SH3GL3: variants seen among roughly 807,000 people sequenced by gnomAD.
SH3GL3 encodes endophilin-A3.
SH3GL3 carries 33 observed loss-of-function variants against 47.7 expected under a neutral mutation model. That is an observed-to-expected ratio of 0.69 (90% CI 0.52 to 0.92). SH3GL3 has a LOEUF of 0.92. SH3GL3 is among the 40% of genes least tolerant of loss of function. SH3GL3 has a pLI of 0.00. For synonymous variants in SH3GL3, 155 were observed against 148.8 expected (o/e 1.04, Z -0.30); for missense variants, 363 against 417.8 (o/e 0.87, Z 1.14).
At chr15:83,573,144 G>A (rs575726870) in intron 5 of SH3GL3, among the ~76,000 whole-genome samples, 19 of 152,234 alleles carry the variant, frequency 1.2e-4, no homozygotes, top group African/African-American at 2.9e-4. Flanking sequence ...TAAAAATGGC[G>A]TGCATGGGAA....
At chr15:83,601,823 T>G (rs576036255) in intron 8 of SH3GL3, among the ~76,000 whole-genome samples, 1 of 150,676 alleles carries the variant, frequency 6.6e-6, no homozygotes, top group Non-Finnish European at 1.5e-5. Context: ...ATCCATGTGG[T>G]CCTGGACTTT....
the SH3GL3 span, among the ~76,000 whole-genome samples, chr15:83,632,366 G>A: frequency 1.3e-5 from 2 of 152,192 alleles, no homozygotes; most frequent in South Asian, 2.1e-4. Flanking sequence ...TGGTGGAAGA[G>A]GTTTCTGCTC....
intron 8 of SH3GL3, among the ~76,000 whole-genome samples, chr15:83,597,753 G>A (rs1041734137): frequency 5.3e-5 from 8 of 151,974 alleles, no homozygotes; most frequent in African/African-American, 7.2e-5. Context: ...GGGATTACAG[G>A]TGCCTGCCAC....
intron 6 of SH3GL3, among the ~76,000 whole-genome samples, chr15:83,585,263 C>T (rs2059926412): frequency 6.6e-6 from 1 of 152,174 alleles, no homozygotes; most frequent in Admixed American, 6.5e-5. Context: ...AAGTCAGCCA[C>T]CCAATGAGCA....
chr15:83,502,402 T>G (rs1237479004), intron 1 of SH3GL3, among the ~76,000 whole-genome samples: 2 of 152,266 alleles, frequency 1.3e-5, no homozygotes, highest in African/African-American at 2.4e-5. Flanking sequence ...GGCCGAGGCC[T>G]CCACACCCAC....
chr15:83,588,687 A>G lies in SH3GL3; in HGVS notation c.754A>G (p.Arg252Gly), dbSNP rs2060013059. 1 of 1,611,180 alleles carries G rather than the reference A, an allele frequency of 6.2e-7. No individual in the cohort carries two copies. Among genetic ancestry groups the G allele is most frequent in the Non-Finnish European group, 8.5e-7 (1 of 1,177,258 alleles). The change falls in exon 8 of 9, where the codon AGA (arginine) becomes GGA (glycine). Residue 252 changes from arginine (R) to glycine (G), a missense_variant. By Grantham distance (125) the Arg-to-Gly change is moderately radical. Transcript: ENST00000427482. ...AATATCAGCTGCATCCAGTGTCCCC[A>G]GACGAGAATACAAGCCAAGGCCTGT... ...MRISAASSVP[R>G]REYKPRPVKR...
intron 6 of SH3GL3, among the ~76,000 whole-genome samples, chr15:83,578,964 C>T (rs1019502285): frequency 5.3e-5 from 8 of 152,148 alleles, no homozygotes; most frequent in Admixed American, 5.2e-4. Flanking sequence ...TTGTTCCATT[C>T]ACTGCCTTCA....
intron 1 of SH3GL3, among the ~76,000 whole-genome samples, chr15:83,536,010 C>T (rs1452611197): frequency 2.0e-5 from 3 of 152,140 alleles, no homozygotes; most frequent in Admixed American, 6.5e-5. Context: ...TGGGCCAAAT[C>T]GTAGACATCC....
chr15:83,462,387 G>C (rs1044825034), intron 1 of SH3GL3, among the ~76,000 whole-genome samples: 1 of 152,188 alleles, frequency 6.6e-6, no homozygotes, highest in Admixed American at 6.5e-5. Flanking sequence ...AACAAAAGCT[G>C]ATCTAAGAAA....
intron 4 of SH3GL3, among the ~76,000 whole-genome samples, chr15:83,572,282 G>A (rs2059562325): frequency 6.6e-6 from 1 of 152,172 alleles, no homozygotes; most frequent in African/African-American, 2.4e-5. Context: ...TTTTTAGAAA[G>A]GATCTTTATC....
At chr15:83,610,716 A>ATTGT (rs2060637579) in intron 8 of SH3GL3, among the ~76,000 whole-genome samples, 1 of 152,068 alleles carries the variant, frequency 6.6e-6, no homozygotes, top group Non-Finnish European at 1.5e-5. Flanking sequence ...CAATTTCTCC[A>ATTGT]TCCCTCACAT....
chr15:83,562,680 A>C (rs1395924324), intron 2 of SH3GL3, among the ~76,000 whole-genome samples: 1 of 152,188 alleles, frequency 6.6e-6, no homozygotes, highest in Non-Finnish European at 1.5e-5. Flanking sequence ...ATTTACCACC[A>C]GTTATATAAT....
intron 8 of SH3GL3, among the ~76,000 whole-genome samples, chr15:83,608,487 G>C (rs1298014386): frequency 6.6e-6 from 1 of 152,196 alleles, no homozygotes; most frequent in Non-Finnish European, 1.5e-5. Flanking sequence ...ATCTGGGTCA[G>C]ATAGAGAGAA....
intron 1 of SH3GL3, among the ~76,000 whole-genome samples, chr15:83,545,693 G>A (rs1439674516): frequency 6.6e-6 from 1 of 152,176 alleles, no homozygotes; most frequent in Non-Finnish European, 1.5e-5. Context: ...AAAGGGAATT[G>A]AGCATTTGAT....
intron 1 of SH3GL3, among the ~76,000 whole-genome samples, chr15:83,506,894 T>C (rs563783640): frequency 2.0e-4 from 30 of 152,160 alleles, no homozygotes; most frequent in African/African-American, 7.2e-4. Flanking sequence ...GCATCGCAGC[T>C]CTGCCCCATC....
rs541675836 is a variant in SH3GL3 at position 83,506,807 on chromosome 15, G to T, written c.46-52446G>T. On this transcript the variant is annotated intron_variant, in intron 1 of 8. Coordinates refer to ENST00000427482, the MANE Select transcript of SH3GL3 (RefSeq NM_003027.5). The stretch of plus-strand genomic sequence containing the variant: ...GTGAATTGGCCCTTTTCTCCTATGC[G>T]TTTTCTGATGCATAGGTTTTCAAAC... Among the ~76,000 whole-genome samples the T allele has an allele frequency of 2.0e-5, 3 of 152,014 alleles. No individual in the cohort carries two copies. The East Asian group carries it at 5.8e-4, about 29-fold the overall frequency.
At chr15:83,559,984 T>C (rs768752616) in intron 2 of SH3GL3, among the ~76,000 whole-genome samples, 2 of 152,212 alleles carry the variant, frequency 1.3e-5, no homozygotes, top group African/African-American at 2.4e-5. Context: ...TCTCTGTCCC[T>C]TAACATGTTT....
At chr15:83,572,850 G>C (rs1455472745) in intron 5 of SH3GL3, 152 bp downstream of exon 5, 1 of 580,968 alleles carries the variant, frequency 1.7e-6, no homozygotes, top group Non-Finnish European at 3.0e-6. Context: ...TGGGCTCACT[G>C]GGAAAGAGTG....
At chr15:83,499,395 CAAA>C (rs11374002) in intron 1 of SH3GL3, among the ~76,000 whole-genome samples, 4 of 122,056 alleles carry the variant, frequency 3.3e-5, no homozygotes, top group Admixed American at 1.8e-4. Context: ...GACTCCATCT[CAAA>C]AAAAAAAAAA....
Sources: gnomAD v4.1 joint callset for allele counts (sites outside exome capture counted in the v4.1 genomes callset) on GRCh38, gnomAD v4.1.1 for gene constraint, MANE v1.5 for transcripts, NCBI Gene and HGNC (gene_info 2026-07-23, HGNC 2026-07-21) for gene names.